The following PPP1R37 variants were observed in gnomAD, a reference collection of about 807,000 sequenced individuals.
PPP1R37 encodes the protein protein phosphatase 1 regulatory subunit 37.
Under a neutral mutation model 61.0 loss-of-function variants are expected in PPP1R37, and 21 were observed. That is an observed-to-expected ratio of 0.34 (90% CI 0.24 to 0.50). PPP1R37 has a LOEUF of 0.50. PPP1R37 is among the 20% of genes least tolerant of loss of function. The pLI is 0.98. For missense variants in PPP1R37, 910 were observed against 952.7 expected, an observed-to-expected ratio of 0.96 and a Z score of 0.59; for synonymous variants, 443 against 433.5, an observed-to-expected ratio of 1.02 and a Z score of -0.27.
chr19:45,093,373 CG>C lies in PPP1R37; in HGVS notation c.49del (p.Asp17ThrfsTer55). 1 of 1,513,946 alleles carries C rather than the reference CG, an allele frequency of 6.6e-7. No homozygotes were observed. Among genetic ancestry groups the C allele is most frequent in the Non-Finnish European group, 8.8e-7 (1 of 1,134,018 alleles). 93.8% of individuals were successfully genotyped at this position (1,513,946 alleles called of 1,614,324 possible). A position where few individuals can be genotyped will look rare whatever the true frequency, so the allele number is the denominator to read the frequency against. ...CGCCGCCCGTGCCGGGCGCGGACGG[CG>C]ACATTGAAGAGGCCCCAGCTGAGGC... ...EAPPVPGADG[D>X]IEEAPAEAGS... On this transcript the variant is annotated frameshift_variant, in exon 1 of 13. Transcript: ENST00000221462. LOFTEE classifies it high-confidence loss of function.
At chr19:45,138,795 T>C (rs1968570298) in intron 2 of PPP1R37, among the ~76,000 whole-genome samples, 184 bp downstream of exon 2, 1 of 152,102 alleles carries the variant, frequency 6.6e-6, no homozygotes, top group Non-Finnish European at 1.5e-5. Context: ...AGCACAGAAT[T>C]CTATAAAGTA....
chr19:45,103,132 G>T (rs115261972), intron 1 of PPP1R37, among the ~76,000 whole-genome samples: 4 of 152,194 alleles, frequency 2.6e-5, no homozygotes, highest in African/African-American at 2.4e-5. Context: ...CTGGCCCTCC[G>T]CAGGGTCTCA....
chr19:45,098,775 G>C (rs1968025684), intron 1 of PPP1R37, among the ~76,000 whole-genome samples: 1 of 152,186 alleles, frequency 6.6e-6, no homozygotes, highest in Admixed American at 6.5e-5. Flanking sequence ...GTGGTGGAAA[G>C]AGGCCCCAGG....
At chr19:45,099,186 A>G (rs1000863031) in intron 1 of PPP1R37, among the ~76,000 whole-genome samples, 1 of 151,872 alleles carries the variant, frequency 6.6e-6, no homozygotes, top group Non-Finnish European at 1.5e-5. Context: ...TCTTTCCCCT[A>G]TAGTGTCCCA....
Position 45,130,863 on chromosome 19 carries a change from C to T in PPP1R37, c.203-7651C>T, listed in dbSNP as rs1228880398. ...CGGAGCAGCCCTAAATATTCCTGCT[C>T]CAGGCTTGTCTGGACTTCCTCCCTC... On this transcript the variant is annotated intron_variant, in intron 1 of 12. Transcript: ENST00000221462. The surrounding 1 kb of genome is among the most constrained non-coding windows in gnomAD (Gnocchi z 4.4). 1.3e-5 allele frequency among the ~76,000 whole-genome samples: 2 copies of T among 152,128 alleles called. No homozygotes were observed. The highest frequency in any genetic ancestry group is 6.5e-5 in the Admixed American group (1 of 15,270).
chr19:45,106,491 G>A (rs549588869), intron 1 of PPP1R37, among the ~76,000 whole-genome samples: 8 of 152,010 alleles, frequency 5.3e-5, no homozygotes, highest in East Asian at 1.9e-4. Context: ...TGATCCACCC[G>A]CCTCGGCCTC....
intron 1 of PPP1R37, among the ~76,000 whole-genome samples, chr19:45,115,399 C>T (rs1419583437): frequency 6.6e-6 from 1 of 152,126 alleles, no homozygotes; most frequent in African/African-American, 2.4e-5. Context: ...CATGCTCCAT[C>T]TCCCTGCGCC....
chr19:45,140,416 TG>T (rs1189877162), intron 3 of PPP1R37, 89 bp from the exon 4 acceptor site: 24 of 238,166 alleles, frequency 1.0e-4, no homozygotes, highest in African/African-American at 3.1e-4. Context: ...CTGGGCCTGG[TG>T]GGGGGTGGGA....
chr19:45,114,527 C>T (rs1370419173), intron 1 of PPP1R37, among the ~76,000 whole-genome samples: 1 of 152,206 alleles, frequency 6.6e-6, no homozygotes, highest in Non-Finnish European at 1.5e-5. Context: ...GGCCAGCCCA[C>T]GCTTGTTGGG....
At position 45,138,615 on chromosome 19, in the gene PPP1R37, TG is replaced by T; in HGVS notation, c.300+7del. ...CAAGCTCCTCAGGCAGCTGCAGGTA[TG>T]GGCGGGACAGGGTGGGTGCGTCCGG... On this transcript the variant is annotated splice_donor_5th_base_variant and intron_variant, in intron 2 of 12. Coordinates refer to ENST00000221462, the MANE Select transcript of PPP1R37 (RefSeq NM_019121.2). 3.1e-6 allele frequency: 2 copies of T among 650,010 alleles called. No homozygotes were observed. Among genetic ancestry groups the T allele is most frequent in the Non-Finnish European group, 5.1e-6 (2 of 394,434 alleles). The allele number at this position is 650,010 out of a possible 1,614,324, so 40.3% of individuals were successfully genotyped here.
At chr19:45,128,657 C>T (rs1004966089) in intron 1 of PPP1R37, 9 of 1,235,510 alleles carry the variant, frequency 7.3e-6, no homozygotes, top group Admixed American at 1.8e-5. Flanking sequence ...ACACTGGCTT[C>T]GTGGTGCTCA....
At chr19:45,140,432 G>C in intron 3 of PPP1R37, 74 bp from the exon 4 acceptor site, 1 of 1,322,454 alleles carries the variant, frequency 7.6e-7, no homozygotes, top group Non-Finnish European at 1.0e-6. Context: ...GTGGGAGGTT[G>C]GGGGCAGAGG....
chr19:45,138,358 G>A (rs926848895), intron 1 of PPP1R37, among the ~76,000 whole-genome samples, 156 bp from the exon 2 acceptor site: 1 of 152,204 alleles, frequency 6.6e-6, no homozygotes, highest in African/African-American at 2.4e-5. Flanking sequence ...GTGGCCAGCG[G>A]GGGGCCTGAA....
intron 1 of PPP1R37, among the ~76,000 whole-genome samples, chr19:45,104,805 A>C (rs543630167): frequency 6.6e-6 from 1 of 151,878 alleles, no homozygotes; most frequent in African/African-American, 2.4e-5. Context: ...GCTGGGTTCA[A>C]GCCATCGTGG....
At chr19:45,093,774 A>G (rs1294254973) in intron 1 of PPP1R37, among the ~76,000 whole-genome samples, 2 of 152,196 alleles carry the variant, frequency 1.3e-5, no homozygotes, top group Non-Finnish European at 2.9e-5. Context: ...TTTAGGGTTT[A>G]AAACGATGAG....
At chr19:45,104,354 C>G (rs949433277) in intron 1 of PPP1R37, among the ~76,000 whole-genome samples, 2 of 152,192 alleles carry the variant, frequency 1.3e-5, no homozygotes, top group African/African-American at 4.8e-5. Flanking sequence ...CTTAAGGACT[C>G]CGGGCAAAGT....
intron 7 of PPP1R37, 123 bp downstream of exon 7, chr19:45,142,581 C>A: frequency 2.9e-6 from 3 of 1,045,138 alleles, no homozygotes; most frequent in Middle Eastern, 2.5e-4. Flanking sequence ...CCTGCTGGGG[C>A]TCCCAGGAGG....
At chr19:45,125,432 C>T (rs1228952663) in intron 1 of PPP1R37, among the ~76,000 whole-genome samples, 3 of 152,310 alleles carry the variant, frequency 2.0e-5, no homozygotes, top group South Asian at 2.1e-4. Flanking sequence ...CACTGCACTC[C>T]AGCCTGGCGA....
chr19:45,103,020 C>T (rs964161543), intron 1 of PPP1R37, among the ~76,000 whole-genome samples: 5 of 152,200 alleles, frequency 3.3e-5, no homozygotes, highest in Non-Finnish European at 5.9e-5. Context: ...TCGAGAGATC[C>T]GTCATGCTTG....
Sources: gnomAD v4.1 joint callset for allele counts (sites outside exome capture counted in the v4.1 genomes callset) on GRCh38, gnomAD v4.1.1 for gene constraint, Gnocchi (gnomAD v3.1) non-coding constraint, MANE v1.5 for transcripts, NCBI Gene and HGNC (gene_info 2026-07-23, HGNC 2026-07-21) for gene names.